ZNF385D: variants seen among roughly 807,000 people sequenced by gnomAD.
The protein encoded by ZNF385D is zinc finger protein 659.
Under a neutral mutation model 35.8 loss-of-function variants are expected in ZNF385D, and 15 were observed. The observed-to-expected ratio is 0.42, with a 90% CI of 0.28 to 0.64. The LOEUF (loss-of-function observed/expected upper bound fraction) is 0.64, where lower values mean the gene tolerates loss of function less well. Ranked by LOEUF, ZNF385D falls within the 30% of genes least tolerant of loss-of-function variation. The probability of loss-of-function intolerance (pLI) is 0.23; values close to 1 mark genes in which losing one functional copy is unlikely to be tolerated. For missense variants in ZNF385D, 474 were observed against 494.6 expected (o/e 0.96, Z 0.39); for synonymous variants, 212 against 186.8 (o/e 1.13, Z -1.10).
intron 3 of ZNF385D, among the ~76,000 whole-genome samples, chr3:22,101,620 T>C (rs138604317): frequency 1.1e-3 from 168 of 152,158 alleles, no homozygotes; most frequent in African/African-American, 3.8e-3. Context: ...AACTGACACA[T>C]TTAATTTCGC....
intron 4 of ZNF385D, among the ~76,000 whole-genome samples, chr3:21,501,654 T>C (rs1000447427): frequency 1.3e-5 from 2 of 152,254 alleles, no homozygotes; most frequent in African/African-American, 4.8e-5. Context: ...TATTTTATCA[T>C]TGTTCAACTC....
chr3:21,824,138 C>G (rs1360763437), intron 3 of ZNF385D, among the ~76,000 whole-genome samples: 1 of 152,178 alleles, frequency 6.6e-6, no homozygotes, highest in Non-Finnish European at 1.5e-5. Flanking sequence ...TTAATTAAAA[C>G]ATGACTTCTT....
intron 3 of ZNF385D, among the ~76,000 whole-genome samples, chr3:22,073,712 G>A (rs570292211): frequency 6.6e-6 from 1 of 151,608 alleles, no homozygotes; most frequent in African/African-American, 2.4e-5. Flanking sequence ...AAAGAAATGG[G>A]GGGTTGGACA....
Position 22,098,947 on chromosome 3 carries a change from A to G in ZNF385D, c.325+69870T>C, listed in dbSNP as rs147997424. On this transcript the variant is annotated intron_variant, in intron 3 of 5. Transcript: ENST00000494108. ...TTGCCTACTATTTAAGCCAGAAATA[A>G]TTTTTATTCTAATACTCTATACTAA... Among the ~76,000 whole-genome samples the G allele has an allele frequency of 8.1e-3, 1,228 of 152,152 alleles. 7 individuals carry two copies. The highest frequency in any genetic ancestry group is 0.016 in the African/African-American group (673 of 41,548).
At chr3:21,777,044 C>G (rs1575631434) in intron 3 of ZNF385D, among the ~76,000 whole-genome samples, 1 of 151,962 alleles carries the variant, frequency 6.6e-6, no homozygotes, top group African/African-American at 2.4e-5. Context: ...ACTTCCTCAG[C>G]CTTTTCCCCA....
intron 2 of ZNF385D, among the ~76,000 whole-genome samples, chr3:22,258,560 C>T (rs1700435209): frequency 1.3e-5 from 2 of 151,454 alleles, no homozygotes; most frequent in Non-Finnish European, 3.0e-5. Flanking sequence ...TTGTAATAGT[C>T]TCCCAAAAAA....
chr3:21,537,873 A>G (rs569966628), intron 3 of ZNF385D, among the ~76,000 whole-genome samples: 3 of 152,258 alleles, frequency 2.0e-5, no homozygotes, highest in Non-Finnish European at 1.5e-5. Context: ...CTTGGCTTAT[A>G]TTTTTAAAAT....
chr3:21,959,616 G>A (rs1457333956), intron 3 of ZNF385D, among the ~76,000 whole-genome samples: 7 of 152,146 alleles, frequency 4.6e-5, no homozygotes, highest in Non-Finnish European at 4.4e-5. Flanking sequence ...CACAATGCAA[G>A]GAGCCTAGTC....
At chr3:22,248,265 A>C (rs546328806) in intron 2 of ZNF385D, among the ~76,000 whole-genome samples, 2 of 152,196 alleles carry the variant, frequency 1.3e-5, no homozygotes, top group South Asian at 4.1e-4. Context: ...ATGTCTGTAC[A>C]AGACCACACA....
intron 3 of ZNF385D, among the ~76,000 whole-genome samples, chr3:21,966,037 T>C (rs1367796499): frequency 6.6e-6 from 1 of 152,174 alleles, no homozygotes; most frequent in East Asian, 1.9e-4. Context: ...CAAGTATTCA[T>C]TTTCTTCTTT....
chr3:21,857,919 T>G (rs1696819993), intron 3 of ZNF385D, among the ~76,000 whole-genome samples: 3 of 151,824 alleles, frequency 2.0e-5, no homozygotes, highest in Admixed American at 2.0e-4. Flanking sequence ...GCAGTGTCCT[T>G]TAAATACAGT....
At chr3:21,852,029 T>C (rs7638954) in intron 3 of ZNF385D, among the ~76,000 whole-genome samples, 3,311 of 152,072 alleles carry the variant, frequency 0.022, 113 homozygotes, top group African/African-American at 0.073. Context: ...AAATCAAAAC[T>C]TCTTATCTTT....
chr3:21,796,435 C>T (rs2072155260), intron 3 of ZNF385D, among the ~76,000 whole-genome samples: 1 of 152,118 alleles, frequency 6.6e-6, no homozygotes, highest in African/African-American at 2.4e-5. Context: ...AATTAGACAT[C>T]ACTACCAAGT....
intron 3 of ZNF385D, among the ~76,000 whole-genome samples, chr3:22,158,382 T>C (rs942513197): frequency 6.6e-6 from 1 of 152,100 alleles, no homozygotes; most frequent in African/African-American, 2.4e-5. Flanking sequence ...GTTTCCTTAC[T>C]TGTGTTTAGG....
Position 21,872,129 on chromosome 3 carries a change from T to C in ZNF385D, c.326-207101A>G, listed in dbSNP as rs540956318. ...TATTTAAGGTCTTCATTTGTAGAAG[T>C]CTTTGTACTTCATATTAGAACAGAT... On this transcript the variant is annotated intron_variant, in intron 3 of 5. Transcript: ENST00000494108. Among the ~76,000 whole-genome samples the C allele has an allele frequency of 4.6e-5, 7 of 152,318 alleles. No individual in the cohort carries two copies. The East Asian group carries it at 1.4e-3, about 29-fold the overall frequency.
intron 4 of ZNF385D, among the ~76,000 whole-genome samples, chr3:21,481,899 C>T (rs545281398): frequency 1.3e-5 from 2 of 152,192 alleles, no homozygotes; most frequent in East Asian, 1.9e-4. Context: ...AATCCCTGTT[C>T]CAAATAGCAA....
At chr3:21,859,323 G>A (rs1362529408) in intron 3 of ZNF385D, among the ~76,000 whole-genome samples, 3 of 151,984 alleles carry the variant, frequency 2.0e-5, no homozygotes, top group South Asian at 2.1e-4. Flanking sequence ...AGCCTGTGGC[G>A]GCCCAGAAGT....
rs145176673 is a variant in ZNF385D, at chr3:21,737,962, G to A, written c.22+12933C>T. Among the ~76,000 whole-genome samples, 1,069 of 152,258 alleles carry A rather than the reference G, an allele frequency of 7.0e-3. 14 individuals carry two copies. Among genetic ancestry groups the A allele is most frequent in the African/African-American group, 0.024 (1,013 of 41,562 alleles). On this transcript the variant is annotated intron_variant, in intron 1 of 7. Transcript: ENST00000281523. ...ATAGACGGCCATCACTGTGATTAGC[G>A]TTATGTGTAAGTCACAATTTTGGAG...
intron 1 of ZNF385D, among the ~76,000 whole-genome samples, chr3:21,743,079 A>G (rs1021176217): frequency 6.6e-6 from 1 of 152,190 alleles, no homozygotes; most frequent in Admixed American, 6.5e-5. Flanking sequence ...AAGAAACAAA[A>G]CTTTACAAAT....
Sources: allele counts gnomAD v4.1 joint callset (sites outside exome capture counted in the v4.1 genomes callset), GRCh38; gene constraint gnomAD v4.1.1; transcripts MANE v1.5; gene names NCBI Gene and HGNC (gene_info 2026-07-23, HGNC 2026-07-21).